SPOCD1: variants seen among roughly 807,000 people sequenced by gnomAD.
SPOCD1 encodes SPOC domain containing 1, also known as SPOC domain-containing protein 1.
In SPOCD1, 64 loss-of-function variants were observed where a neutral mutation model predicts 92.2. That is an observed-to-expected ratio of 0.69 (90% CI 0.57 to 0.86). The LOEUF is 0.86. Ranked by LOEUF, SPOCD1 falls within the 40% of genes least tolerant of loss-of-function variation. SPOCD1 has a pLI of 0.00. For synonymous variants in SPOCD1, 578 were observed against 619.3 expected (o/e 0.93, Z 0.99); for missense variants, 1,360 against 1,543.1 (o/e 0.88, Z 1.99).
intron 15 of SPOCD1, among the ~76,000 whole-genome samples, chr1:31,791,656 C>T (rs1290184568): frequency 6.6e-6 from 1 of 152,230 alleles, no homozygotes; most frequent in Non-Finnish European, 1.5e-5. Flanking sequence ...CCCCCCGTGG[C>T]TGTGGCGAAA....
chr1:31,793,936 A>G (rs1476488903), intron 11 of SPOCD1, 39 bp from the exon 12 acceptor site: 2 of 1,591,206 alleles, frequency 1.3e-6, no homozygotes, highest in Non-Finnish European at 1.7e-6. Flanking sequence ...CAGGGGCAGC[A>G]GCAGCGCTGA....
intron 6 of SPOCD1, 76 bp downstream of exon 6, chr1:31,799,733 C>G: frequency 1.9e-6 from 3 of 1,546,420 alleles, no homozygotes; most frequent in South Asian, 2.2e-5. Flanking sequence ...GGGCTGGGCC[C>G]AGGAGCTGGG....
At position 31,792,757 on chromosome 1, in the gene SPOCD1, G is replaced by A; in HGVS notation, c.2696C>T (p.Thr899Ile). Residue 899 changes from threonine (T) to isoleucine (I), a missense_variant, in exon 14 of 16, where the codon ACC (threonine) becomes ATC (isoleucine). Around this residue, in one of 3 missense-constraint regions of SPOCD1, gnomAD observed 614 missense variants for 757.8 expected, o/e 0.81. Coordinates refer to ENST00000360482, the MANE Select transcript of SPOCD1 (RefSeq NM_144569.7). Reference sequence around the variant, plus strand: ...GATGCAGCCTGCCGAGCGGATCACGGTGGGCAGAGCCTAGGGGCAGGAAGG... The same window carrying A: ...GATGCAGCCTGCCGAGCGGATCACGATGGGCAGAGCCTAGGGGCAGGAAGG... ...HSCRLVQALPTVIRSAGCIPS... is the reference protein window; with the variant it reads ...HSCRLVQALPIVIRSAGCIPS... The A allele has an allele frequency of 6.2e-7, 1 of 1,604,678 alleles. No homozygotes were observed. Among genetic ancestry groups the A allele is most frequent in the Non-Finnish European group, 8.5e-7 (1 of 1,176,068 alleles).
At chr1:31,809,495 A>G (rs1649055309) in intron 2 of SPOCD1, among the ~76,000 whole-genome samples, 1 of 151,944 alleles carries the variant, frequency 6.6e-6, no homozygotes. Flanking sequence ...AAAACCATAC[A>G]AAACTATCAC....
rs747379193 is a variant in SPOCD1, at chr1:31,798,136, C to A, written c.2145+71G>T. 4.7e-4 allele frequency: 530 copies of A among 1,135,066 alleles called. No homozygotes were observed. The highest frequency in any genetic ancestry group is 6.5e-4 in the Non-Finnish European group (481 of 745,046). The allele number at this position is 1,135,066 out of a possible 1,614,324, so 70.3% of individuals were successfully genotyped here. A position where few individuals can be genotyped will look rare whatever the true frequency, so the allele number is the denominator to read the frequency against. On this transcript the variant is annotated intron_variant, in intron 9 of 15. Coordinates refer to ENST00000360482, the MANE Select transcript of SPOCD1 (RefSeq NM_144569.7). This position sits in a 1 kb window ranked among gnomAD's most constrained non-coding sequence, Gnocchi z 4.1. ...CCTCCCTCCCTGTCTCTGTCTCTCC[C>A]TCTTCCACTCTCAGGCCACCCACTC...
intron 2 of SPOCD1, among the ~76,000 whole-genome samples, chr1:31,810,114 C>T (rs1161055100): frequency 6.6e-6 from 1 of 152,120 alleles, no homozygotes; most frequent in Non-Finnish European, 1.5e-5. Flanking sequence ...GTCCACTGGG[C>T]TTCAGTCTGT....
In SPOCD1 at chr1:31,798,545, G is replaced by C. The variant is rs552781397; in HGVS notation, c.1925C>G (p.Ala642Gly). Residue 642 changes from alanine to glycine, a missense_variant, in exon 8 of 16, where the codon GCT becomes GGT. Coordinates refer to ENST00000360482, the MANE Select transcript of SPOCD1 (RefSeq NM_144569.7). The surrounding 1 kb of genome is among the most constrained non-coding windows in gnomAD (Gnocchi z 4.1). ...GTCCCAGAGGGCTGCCTCAATGCCA[G>C]CAGCAATGCCCTCCACCACCTCCTC... Reference protein sequence around the residue: ...LSEEVVEGIAAGIEAALWDLT... With the variant: ...LSEEVVEGIAGGIEAALWDLT... 6 of 1,613,866 alleles carry C rather than the reference G, an allele frequency of 3.7e-6. No homozygotes were observed. In the Admixed American group the frequency reaches 1.0e-4, roughly 27 times the overall value.
At chr1:31,797,361 C>T (rs1172358067) in intron 9 of SPOCD1, among the ~76,000 whole-genome samples, 1 of 152,214 alleles carries the variant, frequency 6.6e-6, no homozygotes, top group Non-Finnish European at 1.5e-5. Flanking sequence ...TCGCACAGGG[C>T]CCTGCACTTA....
At chr1:31,815,497 G>T in intron 1 of SPOCD1, 125 bp from the exon 2 acceptor site, 1 of 629,746 alleles carries the variant, frequency 1.6e-6, no homozygotes, top group South Asian at 3.4e-5. Context: ...CTGAGGCCTA[G>T]GGGTGAGCAC....
chr1:31,806,124 A>T (rs1047517478), intron 2 of SPOCD1, among the ~76,000 whole-genome samples: 5 of 152,052 alleles, frequency 3.3e-5, no homozygotes, highest in African/African-American at 9.7e-5. Context: ...GCAAAAAAAA[A>T]ACTACAAGCA....
rs1335201204 is a variant in SPOCD1 at position 31,791,022 on chromosome 1, T to C, written c.3232A>G (p.Ile1078Val). The change falls in exon 16 of 16, where the codon ATA becomes GTA. Residue 1078 changes from isoleucine to valine, a missense_variant. This residue lies in a region of SPOCD1 where 614 missense variants were observed against 757.8 expected (regional missense o/e 0.81). Transcript: ENST00000360482. ...AWQQSQGRGS[I>V]APRGISAWQR... Reference sequence around the variant, plus strand: ...CAAGCAGAGATTCCCCTTGGAGCTATACTGCCCCTGCCCTGGCTCTGCTGC... The same window carrying C: ...CAAGCAGAGATTCCCCTTGGAGCTACACTGCCCCTGCCCTGGCTCTGCTGC... The C allele has an allele frequency of 2.5e-6, 4 of 1,610,520 alleles. No individual in the cohort carries two copies. Among genetic ancestry groups the C allele is most frequent in the East Asian group, 2.2e-5 (1 of 44,876 alleles).
At position 31,815,367 on chromosome 1, in the gene SPOCD1, C is replaced by A; in HGVS notation, c.-34G>T. On this transcript the variant is annotated 5_prime_UTR_variant, in exon 2 of 16. Transcript: ENST00000360482. Reference sequence around the variant, plus strand: ...ACCTACCTGGGCCAAAAGCACAACACGGGCCCTGTGTGGAGACAGAAAGAG... The same window carrying A: ...ACCTACCTGGGCCAAAAGCACAACAAGGGCCCTGTGTGGAGACAGAAAGAG... The A allele has an allele frequency of 1.3e-6, 2 of 1,509,624 alleles. No homozygotes were observed. The highest frequency in any genetic ancestry group is 1.8e-6 in the Non-Finnish European group (2 of 1,128,394). The allele number at this position is 1,509,624 out of a possible 1,614,324, so 93.5% of individuals were successfully genotyped here.
chr1:31,799,754 C>A lies in SPOCD1; in HGVS notation c.1783+55G>T. ...GGCCCAGGAGCTGGGCCTGAGTCCTCCCCAGACCCCAGCAGTCTCTGGAAG... is the reference window on the plus strand; with the variant it reads ...GGCCCAGGAGCTGGGCCTGAGTCCTACCCAGACCCCAGCAGTCTCTGGAAG... On this transcript the variant is annotated intron_variant, in intron 6 of 15. Transcript: ENST00000360482. 4 of 1,596,636 alleles carry A rather than the reference C, an allele frequency of 2.5e-6. No individual in the cohort carries two copies. The South Asian group carries it at 4.4e-5, about 18-fold the overall frequency.
intron 2 of SPOCD1, among the ~76,000 whole-genome samples, 176 bp from the exon 3 acceptor site, chr1:31,801,881 C>T (rs1178851968): frequency 3.9e-5 from 6 of 152,056 alleles, no homozygotes; most frequent in Non-Finnish European, 8.8e-5. Context: ...AAAATATGTC[C>T]ATCAGGCCAG....
In SPOCD1 at chr1:31,815,040, A is replaced by G; in HGVS notation, c.294T>C (p.Pro98=). 2 of 1,613,782 alleles carry G rather than the reference A, an allele frequency of 1.2e-6. No homozygotes were observed. Among genetic ancestry groups the G allele is most frequent in the Non-Finnish European group, 1.7e-6 (2 of 1,179,974 alleles). ...VVQSRGSMLA[P]GLHMQLPSVP... ...CCGAGGGCAGCTGCATGTGGAGCCC[A>G]GGAGCCAGCATCGAGCCCCGGCTCT... Residue 98 remains proline (P), a synonymous_variant, in exon 2 of 16, where the codon CCT becomes CCC. Coordinates refer to ENST00000360482, the MANE Select transcript of SPOCD1 (RefSeq NM_144569.7).
rs1181147961 is a variant in SPOCD1 at position 31,798,618 on chromosome 1, A to G, written c.1869-17T>C. 1.9e-6 allele frequency: 3 copies of G among 1,609,690 alleles called. No individual in the cohort carries two copies. Among genetic ancestry groups the G allele is most frequent in the Non-Finnish European group, 2.5e-6 (3 of 1,178,592 alleles). ...TCCCGAAGGCTGTGGAGGCCAGGGC[A>G]GGGCGGGGGCACTGAGCCCAGGAGG... is the stretch of plus-strand genomic sequence containing the variant. On this transcript the variant is annotated splice_polypyrimidine_tract_variant and intron_variant, in intron 7 of 15. Coordinates refer to ENST00000360482, the MANE Select transcript of SPOCD1 (RefSeq NM_144569.7). The surrounding 1 kb of genome is among the most constrained non-coding windows in gnomAD (Gnocchi z 4.1).
intron 2 of SPOCD1, 86 bp from the exon 3 acceptor site, chr1:31,801,791 G>A: frequency 8.8e-7 from 1 of 1,130,992 alleles, no homozygotes; most frequent in Non-Finnish European, 1.3e-6. Context: ...AGACAATCTT[G>A]TTGAAAGGGT....
intron 10 of SPOCD1, chr1:31,796,270 C>A: frequency 2.3e-6 from 1 of 433,570 alleles, no homozygotes; most frequent in Non-Finnish European, 4.3e-6. Context: ...CAGCCTGCTG[C>A]TTCCCAGCAG....
At chr1:31,801,333 T>C (rs1013073273) in intron 3 of SPOCD1, among the ~76,000 whole-genome samples, 3 of 152,356 alleles carry the variant, frequency 2.0e-5, no homozygotes, top group Admixed American at 1.3e-4. Context: ...ACCTCCTTCC[T>C]CTTTTCTTGC....
Sources: gnomAD v4.1 joint callset for allele counts (sites outside exome capture counted in the v4.1 genomes callset) on GRCh38, gnomAD v4.1.1 for gene constraint, gnomAD v4.1.1 regional missense constraint, Gnocchi (gnomAD v3.1) non-coding constraint, MANE v1.5 for transcripts, NCBI Gene and HGNC (gene_info 2026-07-23, HGNC 2026-07-21) for gene names.